The following BIRC2 variants were observed in gnomAD, a reference collection of about 807,000 sequenced individuals.
The protein encoded by BIRC2 is baculoviral IAP repeat containing 2.
BIRC2 carries 18 observed loss-of-function variants against 60.9 expected under a neutral mutation model. The ratio of observed to expected loss-of-function variants is 0.30; its 90% CI spans 0.20 to 0.44. BIRC2 has a LOEUF of 0.44. Among genes scored for constraint, BIRC2 ranks in the 20% least tolerant of loss-of-function variants. The pLI is 1.00. For missense variants in BIRC2, 701 were observed against 728.5 expected, an observed-to-expected ratio of 0.96 and a Z score of 0.43; for synonymous variants, 282 against 247.7, an observed-to-expected ratio of 1.14 and a Z score of -1.30.
In BIRC2 at chr11:102,378,211, A is replaced by G. The variant is rs373002343; in HGVS notation, c.*28A>G. 10 of 1,507,270 alleles carry G rather than the reference A, an allele frequency of 6.6e-6. No homozygotes were observed. The African/African-American group carries it at 1.4e-4, about 21-fold the overall frequency. The allele number at this position is 1,507,270 out of a possible 1,614,324, so 93.4% of individuals were successfully genotyped here. ...AAAAATAGTCTATATTTTAACCTGC[A>G]TAAAAAGGTCTTTAAAATATTGTTG... On this transcript the variant is annotated 3_prime_UTR_variant, in exon 9 of 9. Transcript: ENST00000227758.
At chr11:102,358,736 C>T (rs746325132) in intron 3 of BIRC2, among the ~76,000 whole-genome samples, 2 of 152,162 alleles carry the variant, frequency 1.3e-5, no homozygotes, top group Admixed American at 6.5e-5. Flanking sequence ...TTCTCTGACT[C>T]TTTTTACAGT....
At chr11:102,356,388 G>T (rs1199719122) in intron 3 of BIRC2, among the ~76,000 whole-genome samples, 1 of 151,768 alleles carries the variant, frequency 6.6e-6, no homozygotes, top group East Asian at 1.9e-4. Context: ...AGTAGAGATG[G>T]CGTTTCACCA....
intron 5 of BIRC2, 44 bp from the exon 6 acceptor site, chr11:102,368,262 T>G: frequency 6.3e-7 from 1 of 1,587,006 alleles, no homozygotes; most frequent in South Asian, 1.1e-5. Flanking sequence ...TTCCATAGGT[T>G]TATGTTTGTG....
At chr11:102,373,782 C>G (rs1368899664) in intron 6 of BIRC2, among the ~76,000 whole-genome samples, 6 of 151,798 alleles carry the variant, frequency 4.0e-5, no homozygotes, top group African/African-American at 1.5e-4. Context: ...TGGTTCCAAT[C>G]TCCCCATCAC....
At chr11:102,362,674 A>T in intron 3 of BIRC2, 5 of 398,436 alleles carry the variant, frequency 1.3e-5, no homozygotes, top group African/African-American at 2.0e-5. Flanking sequence ...TTGTTGTGTT[A>T]ATGGATTGAA....
chr11:102,350,508 A>G lies in BIRC2; in HGVS notation c.654A>G (p.Val218=). 5.6e-6 allele frequency: 9 copies of G among 1,614,232 alleles called. No individual in the cohort carries two copies. The highest frequency in any genetic ancestry group is 7.6e-6 in the Non-Finnish European group (9 of 1,180,042). The part of the protein sequence containing the change: ...GFYYIGPGDR[V]ACFACGGKLS... Reference sequence around the variant, plus strand: ...ATTATATAGGACCTGGAGATAGGGTAGCCTGCTTTGCCTGTGGTGGGAAGC... The same window carrying G: ...ATTATATAGGACCTGGAGATAGGGTGGCCTGCTTTGCCTGTGGTGGGAAGC... Residue 218 remains valine, a synonymous_variant, in exon 2 of 9, where the codon GTA becomes GTG. Coordinates refer to ENST00000227758, the MANE Select transcript of BIRC2 (RefSeq NM_001166.5).
Position 102,350,721 on chromosome 11 carries a change from G to T in BIRC2, c.867G>T (p.Gln289His). The T allele has an allele frequency of 6.2e-7, 1 of 1,606,604 alleles. No individual in the cohort carries two copies. Among genetic ancestry groups the T allele is most frequent in the Non-Finnish European group, 8.5e-7 (1 of 1,176,510 alleles). ...WPSSVPVQPE[Q>H]LASAGFYYVG... ...CTAGTGTTCCAGTTCAGCCTGAGCA[G>T]CTTGCAAGTGCTGGTTTTTATTATG... Residue 289 changes from glutamine (Q) to histidine (H), a missense_variant, in exon 2 of 9, where the codon CAG (glutamine) becomes CAT (histidine). Physicochemically the swap from Gln to His is conservative, Grantham distance 24 (BLOSUM62 0). Transcript: ENST00000227758.
rs1342055072 is a variant in BIRC2, at chr11:102,350,474, C to G, written c.620C>G (p.Ala207Gly). Residue 207 changes from alanine to glycine, a missense_variant, in exon 2 of 9, where the codon GCT (alanine) becomes GGT (glycine). Coordinates refer to ENST00000227758, the MANE Select transcript of BIRC2 (RefSeq NM_001166.5). Reference protein sequence around the residue: ...TFLSPSELARAGFYYIGPGDR... With the variant: ...TFLSPSELARGGFYYIGPGDR... Reference sequence around the variant, plus strand: ...TTGTCACCATCAGAATTGGCAAGAGCTGGTTTTTATTATATAGGACCTGGA... The same window carrying G: ...TTGTCACCATCAGAATTGGCAAGAGGTGGTTTTTATTATATAGGACCTGGA... 1 of 1,614,060 alleles carries G rather than the reference C, an allele frequency of 6.2e-7. No homozygotes were observed. The highest frequency in any genetic ancestry group is 1.3e-5 in the African/African-American group (1 of 74,916).
chr11:102,356,278 C>T (rs1013253844), intron 3 of BIRC2, among the ~76,000 whole-genome samples: 2 of 151,610 alleles, frequency 1.3e-5, no homozygotes, highest in African/African-American at 4.9e-5. Context: ...TCACTGCAAC[C>T]TCCACCTCCT....
intron 6 of BIRC2, among the ~76,000 whole-genome samples, chr11:102,374,742 A>T (rs1025577541): frequency 1.3e-5 from 2 of 152,324 alleles, no homozygotes; most frequent in African/African-American, 4.8e-5. Flanking sequence ...AAGCCTGGGC[A>T]ATGGCGGGCG....
chr11:102,366,490 C>A (rs1951554290), intron 5 of BIRC2, among the ~76,000 whole-genome samples: 1 of 152,166 alleles, frequency 6.6e-6, no homozygotes, highest in South Asian at 2.1e-4. Flanking sequence ...CCTCAGCCTC[C>A]CAGGTAGCTG....
intron 6 of BIRC2, among the ~76,000 whole-genome samples, chr11:102,373,306 C>G (rs1019601722): frequency 1.3e-5 from 2 of 152,232 alleles, no homozygotes; most frequent in South Asian, 4.1e-4. Flanking sequence ...CTGCTGGTAC[C>G]GGTTGTTCCT....
At chr11:102,365,827 A>G (rs1951547252) in intron 5 of BIRC2, among the ~76,000 whole-genome samples, 1 of 152,078 alleles carries the variant, frequency 6.6e-6, no homozygotes, top group African/African-American at 2.4e-5. Flanking sequence ...TCTTGAGCTT[A>G]AGCAATCTGC....
chr11:102,351,900 A>C (rs1231193035), intron 3 of BIRC2, among the ~76,000 whole-genome samples: 1 of 152,152 alleles, frequency 6.6e-6, no homozygotes, highest in African/African-American at 2.4e-5. Context: ...ATAGTGATAA[A>C]ATAGGCATAA....
chr11:102,376,530 T>C (rs1217720850), intron 6 of BIRC2, among the ~76,000 whole-genome samples: 3 of 152,242 alleles, frequency 2.0e-5, no homozygotes, highest in African/African-American at 7.2e-5. Flanking sequence ...TGTAGAGATG[T>C]ACTTTTTAAA....
chr11:102,373,990 A>G lies in BIRC2; in HGVS notation c.1367-3506A>G, dbSNP rs1182735103. On this transcript the variant is annotated intron_variant, in intron 6 of 8. Transcript: ENST00000227758. ...CCTGAGGCTTCTGCATTCTTCACGTAGTTCTCGAGCCTTGGTTTTCAGCTC... is the reference window on the plus strand; with the variant it reads ...CCTGAGGCTTCTGCATTCTTCACGTGGTTCTCGAGCCTTGGTTTTCAGCTC... 1.9e-3 allele frequency among the ~76,000 whole-genome samples: 267 copies of G among 140,044 alleles called. 1 individual carries two copies. The highest frequency in any genetic ancestry group is 7.0e-3 in the African/African-American group (254 of 36,518). 91.9% of individuals were successfully genotyped at this position (140,044 alleles called of 152,430 possible).
intron 6 of BIRC2, among the ~76,000 whole-genome samples, chr11:102,370,518 G>A (rs1223758896): frequency 1.4e-5 from 2 of 145,794 alleles, no homozygotes; most frequent in African/African-American, 5.2e-5. Context: ...CTGTTCCATT[G>A]ATCTATATCT....
chr11:102,372,146 G>GTT (rs1219999326), intron 6 of BIRC2, among the ~76,000 whole-genome samples: 3 of 149,720 alleles, frequency 2.0e-5, no homozygotes, highest in South Asian at 2.1e-4. Context: ...TTTTTGAAGG[G>GTT]TTTTTTTGTG....
intron 4 of BIRC2, 35 bp downstream of exon 4, chr11:102,363,009 C>A: frequency 6.9e-7 from 1 of 1,456,238 alleles, no homozygotes; most frequent in South Asian, 1.2e-5. Flanking sequence ...ACATTGAATT[C>A]TGCTTTATAA....
Sources: gnomAD v4.1 joint callset for allele counts (sites outside exome capture counted in the v4.1 genomes callset) on GRCh38, gnomAD v4.1.1 for gene constraint, MANE v1.5 for transcripts, NCBI Gene and HGNC (gene_info 2026-07-23, HGNC 2026-07-21) for gene names.